LINGO2: variants seen among roughly 807,000 people sequenced by gnomAD.
LINGO2 encodes leucine-rich repeat and immunoglobulin-like domain-containing nogo receptor-interacting protein 2.
LINGO2 carries 14 observed loss-of-function variants against 30.6 expected under a neutral mutation model. The observed-to-expected ratio is 0.46, with a 90% CI of 0.30 to 0.72. The LOEUF is 0.72. LINGO2 is among the 30% of genes least tolerant of loss of function. The pLI, the probability that LINGO2 is intolerant of heterozygous loss-of-function variation, is 0.07. For missense variants in LINGO2, 729 were observed against 751.7 expected, an observed-to-expected ratio of 0.97 and a Z score of 0.35; for synonymous variants, 317 against 288.5, an observed-to-expected ratio of 1.10 and a Z score of -1.00.
chr9:28,790,033 T>G, the LINGO2 span, among the ~76,000 whole-genome samples: 1 of 152,180 alleles, frequency 6.6e-6, no homozygotes, highest in African/African-American at 2.4e-5. Flanking sequence ...TGTGGTCAAC[T>G]GCGGTTCAAA....
At chr9:28,077,738 G>A (rs998806897) in intron 4 of LINGO2, among the ~76,000 whole-genome samples, 2 of 148,490 alleles carry the variant, frequency 1.3e-5, no homozygotes, top group East Asian at 1.9e-4. Flanking sequence ...ATGTTATCTA[G>A]AGATTTTTCA....
chr9:28,352,097 G>C (rs1450907712), intron 3 of LINGO2, among the ~76,000 whole-genome samples: 1 of 149,730 alleles, frequency 6.7e-6, no homozygotes, highest in East Asian at 2.0e-4. Flanking sequence ...GCACAAGACA[G>C]GGATGCCCTC....
chr9:28,256,810 A>G lies in LINGO2; in HGVS notation c.-87+38398T>C, dbSNP rs186104710. Among the ~76,000 whole-genome samples, 14 of 152,090 alleles carry G rather than the reference A, an allele frequency of 9.2e-5. No individual in the cohort carries two copies. The East Asian group carries it at 2.7e-3, about 29-fold the overall frequency. On this transcript the variant is annotated intron_variant, in intron 4 of 5. Transcript: ENST00000379992. ...ATTTTAGAAAATGTGAAACATACAA[A>G]GAAGTATAAAAATAAAATGTATTTC...
intron 4 of LINGO2, among the ~76,000 whole-genome samples, chr9:28,187,863 C>T (rs544539153): frequency 6.6e-6 from 1 of 152,226 alleles, no homozygotes; most frequent in East Asian, 1.9e-4. Flanking sequence ...TAATTGTATA[C>T]TATGAGTTGA....
intron 4 of LINGO2, among the ~76,000 whole-genome samples, chr9:28,102,753 CA>C (rs5897272): frequency 0.024 from 3,717 of 152,120 alleles, 84 homozygotes; most frequent in Non-Finnish European, 0.037. Context: ...AAAAAATGTT[CA>C]CTAGCCTGTT....
chr9:28,523,174 G>A (rs938453137), intron 1 of LINGO2, among the ~76,000 whole-genome samples: 1 of 151,160 alleles, frequency 6.6e-6, no homozygotes, highest in Non-Finnish European at 1.5e-5. Flanking sequence ...TAAAATAAAT[G>A]AACACAAAAC....
the LINGO2 span, among the ~76,000 whole-genome samples, chr9:28,738,448 A>G: frequency 7.9e-5 from 12 of 152,172 alleles, no homozygotes; most frequent in Non-Finnish European, 1.6e-4. Context: ...ACTATTTAAT[A>G]TACATAAACT....
the LINGO2 span, among the ~76,000 whole-genome samples, chr9:28,817,662 T>C: frequency 1.3e-5 from 2 of 152,194 alleles, no homozygotes; most frequent in South Asian, 2.1e-4. Flanking sequence ...GAGCCCATTA[T>C]AGAATCATCA....
At chr9:28,871,041 A>C in the LINGO2 span, among the ~76,000 whole-genome samples, 1 of 151,974 alleles carries the variant, frequency 6.6e-6, no homozygotes, top group Non-Finnish European at 1.5e-5. Context: ...ACATCTACAG[A>C]AATGTTTACA....
At chr9:29,008,685 G>C in the LINGO2 span, among the ~76,000 whole-genome samples, 5 of 152,136 alleles carry the variant, frequency 3.3e-5, no homozygotes, top group Admixed American at 6.6e-5. Flanking sequence ...CAGCGATGAT[G>C]AGCATTTTTT....
the LINGO2 span, among the ~76,000 whole-genome samples, chr9:28,736,820 A>G: frequency 6.6e-6 from 1 of 152,120 alleles, no homozygotes; most frequent in Non-Finnish European, 1.5e-5. Context: ...ATATATACAT[A>G]CATACATAAA....
the LINGO2 span, among the ~76,000 whole-genome samples, chr9:29,089,335 T>C: frequency 1.3e-5 from 2 of 151,870 alleles, no homozygotes; most frequent in African/African-American, 4.8e-5. Context: ...TTTTGTCAAG[T>C]GAACAATCAT....
the LINGO2 span, among the ~76,000 whole-genome samples, chr9:28,763,703 G>T: frequency 6.6e-6 from 1 of 151,448 alleles, no homozygotes; most frequent in Non-Finnish European, 1.5e-5. Flanking sequence ...AAATTAAATA[G>T]AGAATCTATA....
chr9:28,337,896 A>T (rs1320857905), intron 3 of LINGO2, among the ~76,000 whole-genome samples: 1 of 152,142 alleles, frequency 6.6e-6, no homozygotes, highest in Non-Finnish European at 1.5e-5. Flanking sequence ...CACCTCTGTT[A>T]GAGAAGTGCA....
At chr9:28,945,687 G>A in the LINGO2 span, among the ~76,000 whole-genome samples, 1 of 152,132 alleles carries the variant, frequency 6.6e-6, no homozygotes, top group Admixed American at 6.6e-5. Context: ...AATAGCACCT[G>A]CTACCCTCTG....
rs1287852010 is a variant in LINGO2, at chr9:27,962,565, C to T, written c.-35-11859G>A. Reference sequence around the variant, plus strand: ...CTGCTCCCCCCCTTCTACGACTGTCCTTCAGCTAGGCAAAAGTGGATAATT... The same window carrying T: ...CTGCTCCCCCCCTTCTACGACTGTCTTTCAGCTAGGCAAAAGTGGATAATT... On this transcript the variant is annotated intron_variant, in intron 5 of 5. Coordinates refer to ENST00000379992, the Ensembl canonical transcript of LINGO2. 2.6e-5 allele frequency among the ~76,000 whole-genome samples: 4 copies of T among 152,120 alleles called. No homozygotes were observed. In the East Asian group the frequency reaches 7.7e-4, roughly 29 times the overall value.
At chr9:28,654,485 T>C (rs1409494961) in intron 1 of LINGO2, among the ~76,000 whole-genome samples, 1 of 151,626 alleles carries the variant, frequency 6.6e-6, no homozygotes, top group Non-Finnish European at 1.5e-5. Flanking sequence ...ATTGGATTGA[T>C]TGAGTATCAG....
chr9:27,960,966 T>C (rs1040370727), intron 5 of LINGO2, among the ~76,000 whole-genome samples: 15 of 152,156 alleles, frequency 9.9e-5, no homozygotes, highest in South Asian at 2.1e-4. Context: ...ATATAGATGG[T>C]CTCCAATTTA....
At chr9:28,774,082 A>T in the LINGO2 span, among the ~76,000 whole-genome samples, 13 of 140,026 alleles carry the variant, frequency 9.3e-5, no homozygotes, top group East Asian at 2.2e-4. Context: ...ACACACACAC[A>T]CTTACTTTAG....
Sources: allele counts gnomAD v4.1 joint callset (sites outside exome capture counted in the v4.1 genomes callset), GRCh38; gene constraint gnomAD v4.1.1; transcripts MANE v1.5; gene names NCBI Gene and HGNC (gene_info 2026-07-23, HGNC 2026-07-21).